The following TBC1D20 variants were observed in gnomAD, a reference collection of about 807,000 sequenced individuals.
TBC1D20 encodes the protein TBC1 domain family member 20, also known as chromosome 20 open reading frame 140.
In TBC1D20, 12 loss-of-function variants were observed where a neutral mutation model predicts 41.6. The observed-to-expected ratio is 0.29, with a 90% CI of 0.18 to 0.47. The LOEUF is 0.47. Ranked by LOEUF, TBC1D20 falls within the 20% of genes least tolerant of loss-of-function variation. The pLI, the probability that TBC1D20 is intolerant of heterozygous loss-of-function variation, is 1.00. For synonymous variants in TBC1D20, 205 were observed against 204.8 expected (o/e 1.00, Z -0.01); for missense variants, 421 against 517.4 (o/e 0.81, Z 1.81).
Position 462,490 on chromosome 20 carries a change from C to CCGCTCGGCAT in TBC1D20, c.-95_-86dup. The CCGCTCGGCAT allele has an allele frequency of 1.2e-5, 10 of 823,728 alleles. No homozygotes were observed. Among genetic ancestry groups the CCGCTCGGCAT allele is most frequent in the Non-Finnish European group, 1.6e-5 (10 of 636,454 alleles). 51.0% of individuals were successfully genotyped at this position (823,728 alleles called of 1,614,324 possible). On this transcript the variant is annotated 5_prime_UTR_variant, in exon 1 of 8. The change creates a new upstream start codon in the 5' untranslated region. Transcript: ENST00000354200. ...CGGCTCCGACCGCGGGACGTAGCAC[C>CCGCTCGGCAT]CGCTCGGCATCGGCAGGCTCCCCTC...
chr20:460,797 A>G (rs2017617238), intron 1 of TBC1D20, among the ~76,000 whole-genome samples: 2 of 152,168 alleles, frequency 1.3e-5, no homozygotes, highest in Admixed American at 1.3e-4. Flanking sequence ...AAAACAAAAA[A>G]CCTCATCTTT....
At chr20:444,876 G>A (rs1174780248) in intron 3 of TBC1D20, among the ~76,000 whole-genome samples, 174 bp downstream of exon 3, 1 of 152,064 alleles carries the variant, frequency 6.6e-6, no homozygotes, top group African/African-American at 2.4e-5. Flanking sequence ...ATTATTTTTG[G>A]TTCAGGCTTT....
Position 462,366 on chromosome 20 carries a change from C to T in TBC1D20, c.40G>A (p.Gly14Ser). 7.7e-7 allele frequency: 1 copy of T among 1,307,002 alleles called. No homozygotes were observed. The highest frequency in any genetic ancestry group is 9.8e-7 in the Non-Finnish European group (1 of 1,018,340). The allele number at this position is 1,307,002 out of a possible 1,614,324, so 81.0% of individuals were successfully genotyped here. A position where few individuals can be genotyped will look rare whatever the true frequency, so the allele number is the denominator to read the frequency against. Residue 14 changes from glycine to serine, a missense_variant, in exon 1 of 8, where the codon GGC (glycine) becomes AGC (serine). By Grantham distance (56) the Gly-to-Ser change is moderately conservative. Transcript: ENST00000354200. The stretch of plus-strand genomic sequence containing the variant: ...TTCTCCGCGCCGCCGTCCCAGTGGC[C>T]GGAGGTGGGGCCGTCGCCCTGCGCA... ...RSAQGDGPTS[G>S]HWDGGAEKAD...
At position 461,834 on chromosome 20, in the gene TBC1D20, A is replaced by G. The variant is rs570014289; in HGVS notation, c.70+502T>C. Reference sequence around the variant, plus strand: ...GCTGCACAACTTTGTGAATTTTCTAAGAATCACTGAACTGTGCACCTTAAA... The same window carrying G: ...GCTGCACAACTTTGTGAATTTTCTAGGAATCACTGAACTGTGCACCTTAAA... On this transcript the variant is annotated intron_variant, in intron 1 of 7. Coordinates refer to ENST00000354200, the MANE Select transcript of TBC1D20 (RefSeq NM_144628.4). 4.6e-5 allele frequency among the ~76,000 whole-genome samples: 7 copies of G among 152,394 alleles called. No homozygotes were observed. In the South Asian group the frequency reaches 1.0e-3, roughly 23 times the overall value.
intron 2 of TBC1D20, among the ~76,000 whole-genome samples, chr20:446,050 C>A (rs115871834): frequency 2.8e-4 from 43 of 152,354 alleles, no homozygotes; most frequent in African/African-American, 9.6e-4. Context: ...TGGCAGAAGT[C>A]CTGTTTCAAT....
At chr20:461,884 C>A (rs1014628061) in intron 1 of TBC1D20, among the ~76,000 whole-genome samples, 1 of 152,238 alleles carries the variant, frequency 6.6e-6, no homozygotes, top group South Asian at 2.1e-4. Context: ...GTAATTACAT[C>A]GGCGGTACGC....
rs1160944188 is a variant in TBC1D20 at position 462,341 on chromosome 20, T to C, written c.65A>G (p.Lys22Arg). 2 of 1,304,862 alleles carry C rather than the reference T, an allele frequency of 1.5e-6. No homozygotes were observed. Among genetic ancestry groups the C allele is most frequent in the Non-Finnish European group, 2.0e-6 (2 of 1,016,854 alleles). The allele number at this position is 1,304,862 out of a possible 1,614,324, so 80.8% of individuals were successfully genotyped here. A position where few individuals can be genotyped will look rare whatever the true frequency, so the allele number is the denominator to read the frequency against. The change falls in exon 1 of 8, where the codon AAG becomes AGG. Residue 22 changes from lysine (K) to arginine (R), a missense_variant. By Grantham distance (26) the Lys-to-Arg change is conservative (BLOSUM62 2). Coordinates refer to ENST00000354200, the MANE Select transcript of TBC1D20 (RefSeq NM_144628.4). ...GCCCCGGTCGGCTTCCGTACCTGCC[T>C]TCTCCGCGCCGCCGTCCCAGTGGCC... ...TSGHWDGGAE[K>R]ADFNAKRKKK...
At chr20:461,942 G>C (rs1314585568) in intron 1 of TBC1D20, among the ~76,000 whole-genome samples, 4 of 152,246 alleles carry the variant, frequency 2.6e-5, no homozygotes, top group African/African-American at 9.6e-5. Context: ...GTTCGGGAGA[G>C]CTGATACCCC....
intron 1 of TBC1D20, among the ~76,000 whole-genome samples, chr20:459,219 T>A (rs775827279): frequency 1.2e-4 from 18 of 152,222 alleles, no homozygotes; most frequent in South Asian, 4.1e-4. Context: ...ATTCTTGGGA[T>A]GTTCAGGAAA....
rs921393003 is a variant in TBC1D20, at chr20:438,383, C to T, written c.*203G>A. 9.1e-5 allele frequency: 55 copies of T among 601,152 alleles called. No individual in the cohort carries two copies. Among genetic ancestry groups the T allele is most frequent in the Non-Finnish European group, 1.2e-4 (41 of 346,712 alleles). The allele number at this position is 601,152 out of a possible 1,614,324, so 37.2% of individuals were successfully genotyped here. A position where few individuals can be genotyped will look rare whatever the true frequency, so the allele number is the denominator to read the frequency against. On this transcript the variant is annotated 3_prime_UTR_variant, in exon 8 of 8. Coordinates refer to ENST00000354200, the MANE Select transcript of TBC1D20 (RefSeq NM_144628.4). ...CTGGGAGAGGCATAAGATTCTGTGC[C>T]AGGCCCCCAGGTCCCCTCTGTGTCA...
intron 6 of TBC1D20, among the ~76,000 whole-genome samples, 159 bp downstream of exon 6, chr20:440,089 A>G (rs560724959): frequency 4.6e-5 from 7 of 152,040 alleles, no homozygotes; most frequent in African/African-American, 1.7e-4. Context: ...TGTGTGTGAC[A>G]CCCCCATTAA....
chr20:445,187 A>G, intron 2 of TBC1D20, 57 bp from the exon 3 acceptor site: 1 of 1,362,726 alleles, frequency 7.3e-7, no homozygotes, highest in Non-Finnish European at 1.0e-6. Flanking sequence ...GACCAGAAGC[A>G]AAACATTCTG....
rs1427174873 is a variant in TBC1D20 at position 441,667 on chromosome 20, C to T, written c.547G>A (p.Asp183Asn). ...TAGTTTAATATATGCTTGGTGTTGT[C>T]CATTGTTGGATCCATAAAATCCCTG... is the stretch of plus-strand genomic sequence containing the variant. ...HLRDFMDPTMDNTKHILNYLM... is the reference protein window; with the variant it reads ...HLRDFMDPTMNNTKHILNYLM... The change falls in exon 5 of 8, where the codon GAC becomes AAC. Residue 183 changes from aspartate (D) to asparagine (N), a missense_variant. This residue lies in a region of TBC1D20 where 110 missense variants were observed against 183.5 expected (regional missense o/e 0.60). Coordinates refer to ENST00000354200, the MANE Select transcript of TBC1D20 (RefSeq NM_144628.4). 10 of 1,613,998 alleles carry T rather than the reference C, an allele frequency of 6.2e-6. No individual in the cohort carries two copies. Among genetic ancestry groups the T allele is most frequent in the Non-Finnish European group, 8.5e-6 (10 of 1,180,036 alleles).
chr20:446,943 ATTTTTTTT>A (rs35489596), intron 2 of TBC1D20, among the ~76,000 whole-genome samples: 1 of 75,890 alleles, frequency 1.3e-5, no homozygotes, highest in African/African-American at 6.0e-5. Context: ...CAAAATACGC[ATTTTTTTT>A]TTTTTTTTTT....
intron 3 of TBC1D20, among the ~76,000 whole-genome samples, chr20:442,646 C>T (rs577747409): frequency 1.3e-5 from 2 of 152,288 alleles, no homozygotes; most frequent in South Asian, 4.1e-4. Context: ...ACTGATGTTG[C>T]TCAGTGTACT....
intron 3 of TBC1D20, among the ~76,000 whole-genome samples, chr20:442,500 G>T (rs2017254947): frequency 6.6e-6 from 1 of 152,206 alleles, no homozygotes; most frequent in East Asian, 1.9e-4. Flanking sequence ...ATTAAAAATG[G>T]CTAAAGATAT....
intron 1 of TBC1D20, among the ~76,000 whole-genome samples, chr20:452,216 A>G (rs1222427907): frequency 6.6e-6 from 1 of 152,224 alleles, no homozygotes. Context: ...CTGAAAGAGG[A>G]GAATTGCTTG....
chr20:441,457 C>T, intron 5 of TBC1D20, 131 bp downstream of exon 5: 1 of 760,826 alleles, frequency 1.3e-6, no homozygotes, highest in Non-Finnish European at 2.2e-6. Context: ...GTGACTGGAA[C>T]AACTGGGGAG....
At chr20:462,232 C>G (rs932273220) in intron 1 of TBC1D20, 104 bp downstream of exon 1, 1 of 787,838 alleles carries the variant, frequency 1.3e-6, no homozygotes, top group Non-Finnish European at 1.6e-6. Context: ...CGCAGCAGCC[C>G]CGGGTCCCCA....
Sources: gnomAD v4.1 joint callset for allele counts (sites outside exome capture counted in the v4.1 genomes callset) on GRCh38, gnomAD v4.1.1 for gene constraint, gnomAD v4.1.1 regional missense constraint, MANE v1.5 for transcripts, NCBI Gene and HGNC (gene_info 2026-07-23, HGNC 2026-07-21) for gene names.